Variants in RAD51B observed in about 807,000 individuals in gnomAD.
RAD51B encodes RAD51 paralog B, also known as DNA repair protein RAD51 homolog 2.
A neutral mutation model predicts 42.2 loss-of-function variants in RAD51B; 38 were observed. That is an observed-to-expected ratio of 0.90 (90% CI 0.70 to 1.18). The LOEUF (loss-of-function observed/expected upper bound fraction) is 1.18, where lower values mean the gene tolerates loss of function less well. RAD51B is among the 50% of genes most tolerant of loss of function. The probability of loss-of-function intolerance (pLI) is 0.00; values close to 1 mark genes in which losing one functional copy is unlikely to be tolerated. For synonymous variants in RAD51B, 154 were observed against 145.2 expected, an observed-to-expected ratio of 1.06 and a Z score of -0.43; for missense variants, 373 against 400.7, an observed-to-expected ratio of 0.93 and a Z score of 0.59.
At chr14:68,474,207 G>A (rs774527044) in intron 10 of RAD51B, among the ~76,000 whole-genome samples, 1 of 150,992 alleles carries the variant, frequency 6.6e-6, no homozygotes, top group Non-Finnish European at 1.5e-5. Flanking sequence ...ATAAAAAATG[G>A]AATGGCTGGT....
At chr14:68,162,853 G>T (rs2078671307) in intron 7 of RAD51B, among the ~76,000 whole-genome samples, 1 of 152,284 alleles carries the variant, frequency 6.6e-6, no homozygotes, top group East Asian at 1.9e-4. Context: ...AACTTTGGAT[G>T]ATAATAAGGG....
chr14:68,450,075 C>G (rs376449018), intron 9 of RAD51B, among the ~76,000 whole-genome samples: 1 of 152,108 alleles, frequency 6.6e-6, no homozygotes, highest in African/African-American at 2.4e-5. Flanking sequence ...CATTGTTATG[C>G]CTCCTAATTA....
At chr14:68,000,215 A>G (rs1451641385) in intron 7 of RAD51B, 1 of 152,122 alleles carries the variant, frequency 6.6e-6, no homozygotes, top group Non-Finnish European at 1.5e-5. Context: ...TTACGTTGAT[A>G]GTCTAAGCCG....
At chr14:68,382,968 T>C (rs761858305) in intron 8 of RAD51B, among the ~76,000 whole-genome samples, 67 of 152,218 alleles carry the variant, frequency 4.4e-4, no homozygotes, top group Non-Finnish European at 8.1e-4. Context: ...CACATGGCCT[T>C]ATTTATGTTC....
intron 10 of RAD51B, among the ~76,000 whole-genome samples, chr14:68,489,099 G>A (rs896427233): frequency 1.0e-4 from 15 of 149,752 alleles, no homozygotes; most frequent in Non-Finnish European, 1.6e-4. Flanking sequence ...GATTACAGGC[G>A]CACGCCACCA....
intron 8 of RAD51B, among the ~76,000 whole-genome samples, chr14:68,378,867 T>G (rs150481905): frequency 6.6e-6 from 1 of 152,322 alleles, no homozygotes; most frequent in East Asian, 1.9e-4. Context: ...TATCTCTTGA[T>G]TTTCACTGCA....
chr14:68,605,392 C>T (rs561796992), intron 10 of RAD51B, among the ~76,000 whole-genome samples: 1 of 152,214 alleles, frequency 6.6e-6, no homozygotes, highest in African/African-American at 2.4e-5. Context: ...AGAGTACACT[C>T]GAACAAAGGA....
chr14:67,978,984 AC>A (rs2075043598), intron 7 of RAD51B, among the ~76,000 whole-genome samples: 1 of 152,180 alleles, frequency 6.6e-6, no homozygotes, highest in Admixed American at 6.5e-5. Flanking sequence ...CCTTCCCCCC[AC>A]CACCAGAACT....
At chr14:68,383,203 T>G (rs2083517871) in intron 8 of RAD51B, among the ~76,000 whole-genome samples, 1 of 152,176 alleles carries the variant, frequency 6.6e-6, no homozygotes. Flanking sequence ...TTATATAACT[T>G]TTAAAAGTAT....
intron 10 of RAD51B, chr14:68,541,069 C>G: frequency 1.0e-6 from 1 of 985,394 alleles, no homozygotes; most frequent in African/African-American, 1.7e-5. Context: ...AGGGTATGCC[C>G]TCATTCATGG....
chr14:67,957,848 A>C (rs2074582636), intron 7 of RAD51B, among the ~76,000 whole-genome samples: 1 of 152,220 alleles, frequency 6.6e-6, no homozygotes, highest in Non-Finnish European at 1.5e-5. Flanking sequence ...AATATGGAAG[A>C]AATTTACATT....
chr14:68,631,619 A>C (rs1892229444), intron 10 of RAD51B, among the ~76,000 whole-genome samples: 1 of 152,194 alleles, frequency 6.6e-6, no homozygotes, highest in Non-Finnish European at 1.5e-5. Context: ...AAAAGCAAAG[A>C]GTATAAGGTG....
chr14:68,014,872 T>C (rs1446420872), intron 7 of RAD51B, among the ~76,000 whole-genome samples: 1 of 145,748 alleles, frequency 6.9e-6, no homozygotes. Flanking sequence ...AAAAGGAGCA[T>C]GTGGATTCAT....
chr14:68,491,992 C>T lies in RAD51B; in HGVS notation c.1036+23742C>T, dbSNP rs138819280. Among the ~76,000 whole-genome samples the T allele has an allele frequency of 1.5e-3, 236 of 152,354 alleles. 1 individual carries two copies. Among genetic ancestry groups the T allele is most frequent in the African/African-American group, 5.4e-3 (225 of 41,578 alleles). ...ACCTGCTTCTTCGCCTCTCACAGCT[C>T]CTCGCTTGCTCACCTGTTGCAGCCA... On this transcript the variant is annotated intron_variant, in intron 10 of 10. Coordinates refer to the RAD51B transcript ENST00000487270.
At position 68,171,737 on chromosome 14, in the gene RAD51B, C is replaced by T. The variant is rs552079996; in HGVS notation, c.757-120147C>T. Among the ~76,000 whole-genome samples, 192 of 151,918 alleles carry T rather than the reference C, an allele frequency of 1.3e-3. 2 individuals are homozygous for T. In the South Asian group the frequency reaches 0.031, roughly 24 times the overall value. ...TTTTTTTGTGTGTGTGACGGAGTCT[C>T]GCTCTGTCGCCCAGGCTGGAGTGCA... On this transcript the variant is annotated intron_variant, in intron 7 of 10. Transcript: ENST00000471583.
At chr14:68,081,070 A>C (rs1159884426) in intron 7 of RAD51B, among the ~76,000 whole-genome samples, 1 of 152,164 alleles carries the variant, frequency 6.6e-6, no homozygotes, top group Non-Finnish European at 1.5e-5. Context: ...GCCTGGAAGA[A>C]ATTAGCTTGT....
chr14:68,211,435 T>C (rs2079705690), intron 7 of RAD51B, among the ~76,000 whole-genome samples: 1 of 152,192 alleles, frequency 6.6e-6, no homozygotes, highest in African/African-American at 2.4e-5. Context: ...GTAGCACCTC[T>C]TTTGTGTTGC....
At chr14:68,558,977 A>C (rs1433000757) in intron 10 of RAD51B, among the ~76,000 whole-genome samples, 1 of 151,992 alleles carries the variant, frequency 6.6e-6, no homozygotes, top group Admixed American at 6.6e-5. Flanking sequence ...ATAGTGTCAT[A>C]TACACACAAA....
At chr14:67,944,201 A>ATTTTTTTTT (rs370785745) in intron 7 of RAD51B, among the ~76,000 whole-genome samples, 31 of 130,098 alleles carry the variant, frequency 2.4e-4, no homozygotes, top group African/African-American at 8.4e-4. Context: ...AGAAGTAAAG[A>ATTTTTTTTT]TTTTTTTTTT....
Sources: allele counts gnomAD v4.1 joint callset (sites outside exome capture counted in the v4.1 genomes callset), GRCh38; gene constraint gnomAD v4.1.1; transcripts MANE v1.5; gene names NCBI Gene and HGNC (gene_info 2026-07-23, HGNC 2026-07-21).